SKAP1: variants seen among roughly 807,000 people sequenced by gnomAD.
SKAP1 encodes src kinase associated phosphoprotein 1.
SKAP1 carries 44 observed loss-of-function variants against 58.5 expected under a neutral mutation model. The observed-to-expected ratio is 0.75, with a 90% CI of 0.59 to 0.97. The LOEUF (loss-of-function observed/expected upper bound fraction) is 0.97. SKAP1 is among the 50% of genes least tolerant of loss of function. The pLI is 0.00. For missense variants in SKAP1, 390 were observed against 435.2 expected (o/e 0.90, Z 0.92); for synonymous variants, 127 against 149.7 (o/e 0.85, Z 1.11).
chr17:48,405,425 C>CTTTG, intron 1 of SKAP1, among the ~76,000 whole-genome samples: 1 of 86,052 alleles, frequency 1.2e-5, no homozygotes, highest in South Asian at 3.6e-4. Flanking sequence ...TTCTTTCTTT[C>CTTTG]TTTCTTTCTT....
chr17:48,293,928 GGAGGGGGAACCACACATATAA>G (rs1567856050), intron 4 of SKAP1, among the ~76,000 whole-genome samples: 2 of 152,184 alleles, frequency 1.3e-5, no homozygotes, highest in Non-Finnish European at 2.9e-5. Context: ...AGTGCGGGAA[GGAGGGGGAACCACACATATAA>G]GAGGAGAGAG....
At chr17:48,245,468 CT>C (rs2065285965) in intron 4 of SKAP1, among the ~76,000 whole-genome samples, 1 of 152,164 alleles carries the variant, frequency 6.6e-6, no homozygotes. Context: ...CTGATCCATA[CT>C]GGCTTATTTC....
rs143073604 is a variant in SKAP1, at chr17:48,228,293, G to A, written c.281-38793C>T. Among the ~76,000 whole-genome samples the A allele has an allele frequency of 2.0e-4, 31 of 152,160 alleles. No homozygotes were observed. In the East Asian group the frequency reaches 4.4e-3, roughly 22 times the overall value. ...CTAAAATACTTAATTTTTTCACACC[G>A]TGTATTTGTGTCTCACTAAAAAACG... On this transcript the variant is annotated intron_variant, in intron 4 of 12. Coordinates refer to ENST00000336915, the MANE Select transcript of SKAP1 (RefSeq NM_003726.4).
intron 4 of SKAP1, among the ~76,000 whole-genome samples, chr17:48,228,194 A>G (rs2065089595): frequency 6.6e-6 from 1 of 152,098 alleles, no homozygotes; most frequent in Non-Finnish European, 1.5e-5. Context: ...AGAGAAAGAC[A>G]AAGAGAGATA....
intron 4 of SKAP1, among the ~76,000 whole-genome samples, chr17:48,206,394 G>A (rs1217034977): frequency 6.6e-6 from 1 of 151,750 alleles, no homozygotes; most frequent in Non-Finnish European, 1.5e-5. Flanking sequence ...TTATCTGGAA[G>A]CTCTATGAAC....
intron 4 of SKAP1, among the ~76,000 whole-genome samples, chr17:48,316,451 C>T (rs1390361859): frequency 6.6e-6 from 1 of 152,168 alleles, no homozygotes; most frequent in East Asian, 1.9e-4. Context: ...CAGAGGCCTC[C>T]TCTGATCACC....
chr17:48,364,632 G>A (rs369803754), intron 2 of SKAP1, among the ~76,000 whole-genome samples: 2 of 152,096 alleles, frequency 1.3e-5, no homozygotes, highest in Non-Finnish European at 2.9e-5. Flanking sequence ...CTAAGATCGC[G>A]CCATTGCACT....
At chr17:48,433,366 C>T (rs1049773288), upstream of SKAP1, among the ~76,000 whole-genome samples, 1 of 152,128 alleles carries the variant, frequency 6.6e-6, no homozygotes, top group Admixed American at 6.5e-5. Context: ...GTAGCTGAGT[C>T]CCTGCCTGGG....
intron 1 of SKAP1, among the ~76,000 whole-genome samples, chr17:48,419,844 T>A (rs2067774547): frequency 6.6e-6 from 1 of 152,182 alleles, no homozygotes; most frequent in Non-Finnish European, 1.5e-5. Flanking sequence ...ATGTCAACAA[T>A]GTTAGGAGGA....
chr17:48,365,484 C>T (rs2066990196), intron 2 of SKAP1, among the ~76,000 whole-genome samples: 1 of 152,142 alleles, frequency 6.6e-6, no homozygotes, highest in Non-Finnish European at 1.5e-5. Flanking sequence ...CAGTTTGGCC[C>T]TTTCCATCAG....
intron 4 of SKAP1, among the ~76,000 whole-genome samples, chr17:48,275,353 C>T (rs545532532): frequency 1.2e-4 from 19 of 152,290 alleles, no homozygotes; most frequent in South Asian, 1.2e-3. Flanking sequence ...GGTTCTCCTC[C>T]TACCTCTGAT....
chr17:48,360,160 C>T (rs1005598600), intron 3 of SKAP1, among the ~76,000 whole-genome samples: 23 of 151,972 alleles, frequency 1.5e-4, no homozygotes, highest in African/African-American at 5.3e-4. Flanking sequence ...AGATATTATT[C>T]TATATAATAT....
intron 4 of SKAP1, among the ~76,000 whole-genome samples, chr17:48,192,247 G>A (rs555658776): frequency 2.0e-5 from 3 of 151,590 alleles, no homozygotes; most frequent in African/African-American, 4.8e-5. Context: ...AGGAAAACAC[G>A]ATCCCATAAG....
chr17:48,141,937 T>G (rs2063772364), intron 11 of SKAP1, among the ~76,000 whole-genome samples: 1 of 152,082 alleles, frequency 6.6e-6, no homozygotes, highest in African/African-American at 2.4e-5. Flanking sequence ...CCTAGAAGCC[T>G]CTCCTTGACA....
At chr17:48,362,226 C>A (rs2066946643) in intron 3 of SKAP1, among the ~76,000 whole-genome samples, 1 of 152,238 alleles carries the variant, frequency 6.6e-6, no homozygotes, top group African/African-American at 2.4e-5. Flanking sequence ...TGAAAGATGA[C>A]TGCAATGCCA....
At chr17:48,220,564 G>C (rs1434830380) in intron 4 of SKAP1, among the ~76,000 whole-genome samples, 1 of 152,136 alleles carries the variant, frequency 6.6e-6, no homozygotes, top group African/African-American at 2.4e-5. Context: ...GGGGCATAAA[G>C]AGAAGTTTCA....
chr17:48,203,957 A>G (rs1367283168), intron 4 of SKAP1: 1 of 152,222 alleles, frequency 6.6e-6, no homozygotes, highest in Non-Finnish European at 1.5e-5. Flanking sequence ...GCTTTCGTGT[A>G]TGACACCTCC....
chr17:48,161,528 C>T (rs989388028), intron 11 of SKAP1, among the ~76,000 whole-genome samples: 8 of 152,214 alleles, frequency 5.3e-5, no homozygotes, highest in Non-Finnish European at 1.0e-4. Context: ...TCTGAATCTT[C>T]TTCACATCAG....
intron 4 of SKAP1, among the ~76,000 whole-genome samples, chr17:48,243,720 A>G (rs757991019): frequency 6.6e-6 from 1 of 152,206 alleles, no homozygotes; most frequent in African/African-American, 2.4e-5. Flanking sequence ...TAATATATAT[A>G]TAAAACAGGC....
Sources: allele counts gnomAD v4.1 joint callset (sites outside exome capture counted in the v4.1 genomes callset), GRCh38; gene constraint gnomAD v4.1.1; transcripts MANE v1.5; gene names NCBI Gene and HGNC (gene_info 2026-07-23, HGNC 2026-07-21).